PISD: variants seen among roughly 807,000 people sequenced by gnomAD.
The protein encoded by PISD is phosphatidylserine decarboxylase, also known as phosphatidylserine decarboxylase proenzyme, mitochondrial.
Under a neutral mutation model 43.5 loss-of-function variants are expected in PISD, and 31 were observed. The observed-to-expected ratio is 0.71, with a 90% CI of 0.54 to 0.96. The LOEUF (loss-of-function observed/expected upper bound fraction) is 0.96, where lower values mean the gene tolerates loss of function less well. Ranked by LOEUF, PISD falls within the 40% of genes least tolerant of loss-of-function variation. The pLI is 0.00. For synonymous variants in PISD, 259 were observed against 228.7 expected, an observed-to-expected ratio of 1.13 and a Z score of -1.20; for missense variants, 523 against 548.4, an observed-to-expected ratio of 0.95 and a Z score of 0.46.
intron 3 of PISD, among the ~76,000 whole-genome samples, chr22:31,639,316 C>T (rs563478112): frequency 3.9e-5 from 6 of 152,168 alleles, no homozygotes; most frequent in African/African-American, 9.6e-5. Context: ...GGATTACAGG[C>T]GCCCGCCACC....
intron 3 of PISD, among the ~76,000 whole-genome samples, chr22:31,636,750 G>C (rs1360933389): frequency 6.6e-6 from 1 of 151,510 alleles, no homozygotes; most frequent in South Asian, 2.1e-4. Context: ...CAACGTGTTA[G>C]CCAGGATGGT....
intron 3 of PISD, among the ~76,000 whole-genome samples, chr22:31,633,285 C>T (rs2073281758): frequency 6.6e-6 from 1 of 152,240 alleles, no homozygotes; most frequent in African/African-American, 2.4e-5. Context: ...AGCTTCTGCA[C>T]ACATTCTACC....
intron 3 of PISD, chr22:31,623,579 G>T: frequency 8.8e-7 from 1 of 1,131,002 alleles, no homozygotes; most frequent in Non-Finnish European, 1.2e-6. Flanking sequence ...ATGTAGCGGT[G>T]ACCTCTGCTT....
intron 6 of PISD, 62 bp from the exon 7 acceptor site, chr22:31,620,775 G>T: frequency 6.3e-7 from 1 of 1,589,830 alleles, no homozygotes; most frequent in Non-Finnish European, 8.6e-7. Flanking sequence ...CCCCATGGCA[G>T]CCAAGACCCA....
At chr22:31,640,581 T>TTG (rs1556421157) in intron 3 of PISD, among the ~76,000 whole-genome samples, 1 of 134,258 alleles carries the variant, frequency 7.4e-6, no homozygotes, top group Non-Finnish European at 1.6e-5. Flanking sequence ...GGTTGTTTTT[T>TTG]TTTTTTTTTT....
chr22:31,640,894 T>G (rs1299030058), intron 3 of PISD, among the ~76,000 whole-genome samples: 1 of 93,136 alleles, frequency 1.1e-5, no homozygotes, highest in East Asian at 3.3e-4. Context: ...TTTTTTTTTT[T>G]TTTTTTTTTT....
At chr22:31,650,816 T>C in intron 1 of PISD, 38 bp from the exon 2 acceptor site, 2 of 1,263,874 alleles carry the variant, frequency 1.6e-6, no homozygotes, top group Non-Finnish European at 2.2e-6. Context: ...AATATTATTC[T>C]TAAAATTAAA....
chr22:31,619,545 C>G lies in PISD; in HGVS notation c.*67G>C. ...CTTACCTGGATGGCCTCATGGGCCT[C>G]CCTCTTGAAAAGACCCTCACTCTGT... On this transcript the variant is annotated 3_prime_UTR_variant, in exon 8 of 8. Coordinates refer to ENST00000439502, the MANE Select transcript of PISD (RefSeq NM_001326411.2). 7.4e-7 allele frequency: 1 copy of G among 1,356,294 alleles called. No homozygotes were observed. Among genetic ancestry groups the G allele is most frequent in the Non-Finnish European group, 1.0e-6 (1 of 955,140 alleles). The allele number at this position is 1,356,294 out of a possible 1,614,324, so 84.0% of individuals were successfully genotyped here. A position where few individuals can be genotyped will look rare whatever the true frequency, so the allele number is the denominator to read the frequency against.
Position 31,626,578 on chromosome 22 carries a change from CAGA to C in PISD, c.322-4696_322-4694del, listed in dbSNP as rs1346107242. 7.9e-5 allele frequency among the ~76,000 whole-genome samples: 12 copies of C among 152,286 alleles called. No homozygotes were observed. In the East Asian group the frequency reaches 2.1e-3, roughly 27 times the overall value. Reference sequence around the variant, plus strand: ...CCCAGCTCCCTGCTCCAGGCCTCCTCAGAAGCTGTGCATGTGGGGAAAACCAGC... The same window carrying C: ...CCCAGCTCCCTGCTCCAGGCCTCCTCAGCTGTGCATGTGGGGAAAACCAGC... On this transcript the variant is annotated intron_variant, in intron 3 of 7. Transcript: ENST00000439502.
At chr22:31,650,678 C>G in intron 2 of PISD, 21 bp downstream of exon 2, 3 of 1,432,252 alleles carry the variant, frequency 2.1e-6, no homozygotes, top group Non-Finnish European at 9.6e-7. Flanking sequence ...AGGGTCACCA[C>G]CATCTCTAAT....
intron 3 of PISD, chr22:31,629,136 C>G (rs922762366): frequency 2.1e-5 from 21 of 985,184 alleles, no homozygotes; most frequent in African/African-American, 8.7e-5. Context: ...ACCTGCCCCC[C>G]CAGTGGAATG....
intron 1 of PISD, among the ~76,000 whole-genome samples, chr22:31,655,312 C>T (rs994252993): frequency 7.7e-6 from 1 of 130,418 alleles, no homozygotes; most frequent in African/African-American, 2.9e-5. Context: ...TCAGGTACAA[C>T]CCCCTTTTTT....
chr22:31,621,827 TTGAG>T lies in PISD; in HGVS notation c.376_379del (p.Leu126IlefsTer23). ...CAGCCAGTGTGGCAGCTCCACCTGA[TTGAG>T]GCGACCCCAGGCCCGTGACAGCAAG... On this transcript the variant is annotated frameshift_variant, in exon 4 of 8. Coordinates refer to ENST00000439502, the MANE Select transcript of PISD (RefSeq NM_001326411.2). LOFTEE classifies it high-confidence loss of function. 1 of 1,613,070 alleles carries T rather than the reference TTGAG, an allele frequency of 6.2e-7. No homozygotes were observed. The highest frequency in any genetic ancestry group is 8.5e-7 in the Non-Finnish European group (1 of 1,180,040).
At chr22:31,653,038 TA>T (rs36011234) in intron 1 of PISD, among the ~76,000 whole-genome samples, 2,660 of 114,376 alleles carry the variant, frequency 0.023, 79 homozygotes, top group African/African-American at 0.074. Context: ...GACCCTACCT[TA>T]AAAAAAAAAA....
At chr22:31,640,880 G>GTGTTTTTTTTTTTT (rs2073688721) in intron 3 of PISD, among the ~76,000 whole-genome samples, 1 of 24,596 alleles carries the variant, frequency 4.1e-5, no homozygotes, top group Non-Finnish European at 6.6e-5. Flanking sequence ...CACACCCGGT[G>GTGTTTTTTTTTTTT]TTTTTTTTTT....
intron 3 of PISD, chr22:31,629,224 T>C: frequency 5.1e-6 from 5 of 985,076 alleles, no homozygotes; most frequent in Non-Finnish European, 6.0e-6. Context: ...CCTGCAAGAT[T>C]GTTGTGCGTG....
At chr22:31,636,064 C>T (rs1382112128) in intron 3 of PISD, among the ~76,000 whole-genome samples, 6 of 152,258 alleles carry the variant, frequency 3.9e-5, no homozygotes, top group Non-Finnish European at 7.3e-5. Flanking sequence ...CGCTCACCAA[C>T]ATGGAGAACA....
chr22:31,647,285 C>CG (rs1325833160), intron 3 of PISD, among the ~76,000 whole-genome samples: 3 of 152,132 alleles, frequency 2.0e-5, no homozygotes, highest in Admixed American at 6.6e-5. Context: ...ACAGCTACTG[C>CG]GGAGCATGGT....
At chr22:31,650,920 A>T (rs1229567205) in intron 1 of PISD, 142 bp from the exon 2 acceptor site, 4 of 531,636 alleles carry the variant, frequency 7.5e-6, no homozygotes, top group Non-Finnish European at 1.0e-5. Context: ...TAGATAAGAA[A>T]ATGTCCTTGT....
Sources: gnomAD v4.1 joint callset for allele counts (sites outside exome capture counted in the v4.1 genomes callset) on GRCh38, gnomAD v4.1.1 for gene constraint, MANE v1.5 for transcripts, NCBI Gene and HGNC (gene_info 2026-07-23, HGNC 2026-07-21) for gene names.